The following SLC24A2 variants were observed in gnomAD, a reference collection of about 807,000 sequenced individuals.
SLC24A2 encodes the protein sodium/potassium/calcium exchanger 2.
SLC24A2 carries 36 observed loss-of-function variants against 62.0 expected under a neutral mutation model. The observed-to-expected ratio is 0.58, with a 90% CI of 0.44 to 0.77. The LOEUF is 0.77. SLC24A2 is among the 30% of genes least tolerant of loss of function. The pLI is 0.00. For missense variants in SLC24A2, 846 were observed against 817.9 expected, an observed-to-expected ratio of 1.03 and a Z score of -0.42; for synonymous variants, 358 against 294.0, an observed-to-expected ratio of 1.22 and a Z score of -2.23.
chr9:20,002,260 G>A, the SLC24A2 span, among the ~76,000 whole-genome samples: 10 of 151,866 alleles, frequency 6.6e-5, no homozygotes, highest in African/African-American at 1.7e-4. Context: ...CAGCACTGAT[G>A]TACCAGTAGT....
the SLC24A2 span, among the ~76,000 whole-genome samples, chr9:19,898,741 CAAAA>C: frequency 3.5e-4 from 34 of 97,250 alleles, no homozygotes; most frequent in South Asian, 4.4e-3. Context: ...GACTCCATCT[CAAAA>C]AAAAAAAAAA....
the SLC24A2 span, among the ~76,000 whole-genome samples, chr9:20,199,009 A>C: frequency 6.6e-6 from 1 of 152,202 alleles, no homozygotes; most frequent in Non-Finnish European, 1.5e-5. Flanking sequence ...ATGGTGCAGG[A>C]AAAATAGAAA....
intron 2 of SLC24A2, among the ~76,000 whole-genome samples, chr9:19,667,230 A>G (rs2118286583): frequency 6.6e-6 from 1 of 152,346 alleles, no homozygotes; most frequent in South Asian, 2.1e-4. Flanking sequence ...GCCTTCTGCA[A>G]CCTGGTTATT....
the SLC24A2 span, among the ~76,000 whole-genome samples, chr9:20,137,136 CAT>C: frequency 3.9e-5 from 6 of 152,244 alleles, no homozygotes; most frequent in East Asian, 1.9e-4. Flanking sequence ...GAGTAACACA[CAT>C]GTTTTGTGTT....
chr9:20,211,970 GT>G, the SLC24A2 span, among the ~76,000 whole-genome samples: 1 of 152,080 alleles, frequency 6.6e-6, no homozygotes, highest in Admixed American at 6.5e-5. Flanking sequence ...GTTTATATGT[GT>G]GGGGGAGGGA....
the SLC24A2 span, among the ~76,000 whole-genome samples, chr9:20,105,212 C>T: frequency 3.9e-5 from 6 of 152,142 alleles, no homozygotes; most frequent in African/African-American, 1.4e-4. Flanking sequence ...TCCTGAGTTA[C>T]CTACAAAGAG....
the SLC24A2 span, among the ~76,000 whole-genome samples, chr9:19,872,804 T>G: frequency 6.6e-6 from 1 of 152,176 alleles, no homozygotes. Flanking sequence ...TGGGTCTTCT[T>G]GTAAAAATAT....
intron 8 of SLC24A2, among the ~76,000 whole-genome samples, chr9:19,541,902 C>A (rs1306237891): frequency 6.6e-6 from 1 of 152,156 alleles, no homozygotes; most frequent in Non-Finnish European, 1.5e-5. Context: ...GGGATATAGT[C>A]TCCTGGTGCG....
At chr9:19,852,632 A>G in the SLC24A2 span, among the ~76,000 whole-genome samples, 3 of 152,030 alleles carry the variant, frequency 2.0e-5, no homozygotes, top group South Asian at 6.3e-4. Context: ...ATGATTGTAG[A>G]TGTGTGGTCT....
the SLC24A2 span, among the ~76,000 whole-genome samples, chr9:20,047,581 T>C: frequency 7.1e-6 from 1 of 141,310 alleles, no homozygotes; most frequent in Non-Finnish European, 1.6e-5. Context: ...TGGCCCTCCA[T>C]GAGGAAGTGG....
At chr9:19,688,421 TAC>T (rs1440883797) in intron 2 of SLC24A2, among the ~76,000 whole-genome samples, 6 of 152,172 alleles carry the variant, frequency 3.9e-5, no homozygotes, top group African/African-American at 1.4e-4. Flanking sequence ...GTAGACTTAC[TAC>T]ACATTTGTTA....
chr9:19,661,430 T>A (rs1819096917), intron 2 of SLC24A2, among the ~76,000 whole-genome samples: 2 of 152,300 alleles, frequency 1.3e-5, no homozygotes, highest in South Asian at 4.1e-4. Context: ...TGCTTTATCA[T>A]CTTTTGGATG....
the SLC24A2 span, among the ~76,000 whole-genome samples, chr9:19,852,641 C>A: frequency 6.6e-6 from 1 of 151,840 alleles, no homozygotes; most frequent in Admixed American, 6.6e-5. Context: ...GATGTGTGGT[C>A]TTATTTCTGA....
At position 19,696,599 on chromosome 9, in the gene SLC24A2, T is replaced by C. The variant is rs540306207; in HGVS notation, c.931-74300A>G. 3.9e-5 allele frequency among the ~76,000 whole-genome samples: 6 copies of C among 152,344 alleles called. No individual in the cohort carries two copies. In the South Asian group the frequency reaches 1.2e-3, roughly 32 times the overall value. ...ATTTTGGGTCTACTGGTGTTTGCTA[T>C]ATTATTCTATATCTTTTGTATGTTT... On this transcript the variant is annotated intron_variant, in intron 2 of 10. Coordinates refer to ENST00000341998, the MANE Select transcript of SLC24A2 (RefSeq NM_020344.4).
chr9:20,184,165 A>G, the SLC24A2 span, among the ~76,000 whole-genome samples: 2 of 152,240 alleles, frequency 1.3e-5, no homozygotes, highest in African/African-American at 4.8e-5. Context: ...TTCATGAAAA[A>G]ATGCTCAGCC....
At chr9:20,262,166 C>G in the SLC24A2 span, among the ~76,000 whole-genome samples, 3 of 152,218 alleles carry the variant, frequency 2.0e-5, no homozygotes, top group Non-Finnish European at 4.4e-5. Flanking sequence ...TATTCTCTGA[C>G]CAAGCTTGCT....
At chr9:19,541,773 G>T (rs1834271425) in intron 8 of SLC24A2, among the ~76,000 whole-genome samples, 1 of 148,894 alleles carries the variant, frequency 6.7e-6, no homozygotes, top group Non-Finnish European at 1.5e-5. Flanking sequence ...ACCTAAGCAA[G>T]CCTGGGCAAT....
the SLC24A2 span, among the ~76,000 whole-genome samples, chr9:19,912,739 A>G: frequency 6.6e-5 from 10 of 152,170 alleles, no homozygotes; most frequent in Non-Finnish European, 1.3e-4. Context: ...GGTGGATACT[A>G]TCCCATCAAC....
the SLC24A2 span, among the ~76,000 whole-genome samples, chr9:20,293,705 C>T: frequency 6.6e-6 from 1 of 152,188 alleles, no homozygotes; most frequent in Non-Finnish European, 1.5e-5. Context: ...CTATGACACT[C>T]ACTATGAAAC....
Sources: gnomAD v4.1 joint callset for allele counts (sites outside exome capture counted in the v4.1 genomes callset) on GRCh38, gnomAD v4.1.1 for gene constraint, MANE v1.5 for transcripts, NCBI Gene and HGNC (gene_info 2026-07-23, HGNC 2026-07-21) for gene names.